ELOA: variants seen among roughly 807,000 people sequenced by gnomAD.
The protein encoded by ELOA is elongin A, also known as elongin-A.
ELOA carries 15 observed loss-of-function variants against 85.2 expected under a neutral mutation model. The observed-to-expected ratio is 0.18, with a 90% CI of 0.12 to 0.27. The LOEUF is 0.27. Ranked by LOEUF, ELOA falls within the 10% of genes least tolerant of loss-of-function variation. The pLI, the probability that ELOA is intolerant of heterozygous loss-of-function variation, is 1.00. For synonymous variants in ELOA, 348 were observed against 357.2 expected (o/e 0.97, Z 0.29); for missense variants, 769 against 952.7 (o/e 0.81, Z 2.54).
In ELOA at chr1:23,748,474, T is replaced by C. The variant is rs1644755758; in HGVS notation, c.76-547T>C. Among the ~76,000 whole-genome samples the C allele has an allele frequency of 2.0e-5, 3 of 152,200 alleles. No individual in the cohort carries two copies. In the South Asian group the frequency reaches 6.2e-4, roughly 31 times the overall value. Reference sequence around the variant, plus strand: ...TACCCAGGCATTTTGTGTCCACCGTTAACATCCAAGCTCTGATTCTGGCAA... The same window carrying C: ...TACCCAGGCATTTTGTGTCCACCGTCAACATCCAAGCTCTGATTCTGGCAA... On this transcript the variant is annotated intron_variant, in intron 1 of 10. Coordinates refer to ENST00000613537, the MANE Select transcript of ELOA (RefSeq NM_003198.3).
At chr1:23,755,435 A>G (rs1644789891) in intron 7 of ELOA, among the ~76,000 whole-genome samples, 1 of 152,126 alleles carries the variant, frequency 6.6e-6, no homozygotes, top group African/African-American at 2.4e-5. Context: ...TACTAAGATG[A>G]AGACCAAAAA....
intron 2 of ELOA, among the ~76,000 whole-genome samples, 157 bp from the exon 3 acceptor site, chr1:23,749,685 G>A (rs556299089): frequency 5.9e-5 from 9 of 152,276 alleles, no homozygotes; most frequent in Non-Finnish European, 1.2e-4. Context: ...AGAGATTTGG[G>A]GCATAGACAC....
rs758250987 is a variant in ELOA at position 23,756,934 on chromosome 1, G to C, written c.2085-19G>C. On this transcript the variant is annotated intron_variant, in intron 9 of 10. Coordinates refer to ENST00000613537, the MANE Select transcript of ELOA (RefSeq NM_003198.3). ...GATTTCTTGTGCTCATGCCTAACCA[G>C]TGTTGTCCTGTGTTGCAGGATCAAG... is the stretch of plus-strand genomic sequence containing the variant. 1.4e-5 allele frequency: 21 copies of C among 1,478,920 alleles called. No homozygotes were observed. Among genetic ancestry groups the C allele is most frequent in the Admixed American group, 7.8e-5 (3 of 38,632 alleles). The allele number at this position is 1,478,920 out of a possible 1,614,324, so 91.6% of individuals were successfully genotyped here.
intron 10 of ELOA, among the ~76,000 whole-genome samples, chr1:23,757,811 G>GAAAAA (rs575030502): frequency 9.2e-6 from 1 of 108,450 alleles, no homozygotes; most frequent in Non-Finnish European, 2.0e-5. Context: ...CCTGTCTCTG[G>GAAAAA]AAAAAAAAAA....
intron 3 of ELOA, among the ~76,000 whole-genome samples, 198 bp downstream of exon 3, chr1:23,750,146 C>T (rs1263346718): frequency 1.4e-5 from 2 of 145,744 alleles, no homozygotes; most frequent in African/African-American, 5.0e-5. Flanking sequence ...CAAAGACAAA[C>T]GTTATGAACA....
At position 23,757,734 on chromosome 1, in the gene ELOA, C is replaced by T. The variant is rs192716796; in HGVS notation, c.2257+609C>T. Among the ~76,000 whole-genome samples the T allele has an allele frequency of 2.2e-3, 330 of 151,768 alleles. 4 individuals are homozygous for T. In the East Asian group the frequency reaches 0.043, roughly 20 times the overall value. The stretch of plus-strand genomic sequence containing the variant: ...CAGGATGGTCTCGATCTCCTGACCT[C>T]GCGATCTGCCCGCCTTGGCCTCCCA... On this transcript the variant is annotated intron_variant, in intron 10 of 10. Transcript: ENST00000613537.
chr1:23,743,664 G>C, intron 1 of ELOA, 86 bp downstream of exon 1: 1 of 1,357,118 alleles, frequency 7.4e-7, no homozygotes, highest in Non-Finnish European at 9.5e-7. Flanking sequence ...GGCGGGGTTC[G>C]GGGGCTGGGA....
chr1:23,754,579 G>C (rs1644786492), intron 7 of ELOA, 119 bp downstream of exon 7: 3 of 803,216 alleles, frequency 3.7e-6, no homozygotes, highest in Non-Finnish European at 6.0e-6. Context: ...GCATTGTTCT[G>C]GATATATTTG....
Position 23,749,941 on chromosome 1 carries a change from G to T in ELOA, c.232G>T (p.Val78Leu), listed in dbSNP as rs1487914541. ...GGCCCAGTGGAAGAAGCTGGTTCCT[G>T]TGGAACGGTAAGAACATTTCTCTTT... The part of the protein sequence containing the change: ...LVAQWKKLVP[V>L]ERNAEPDEQD... The change falls in exon 3 of 11, where the codon GTG becomes TTG. Residue 78 changes from valine (V) to leucine (L), a missense_variant. Physicochemically the swap from Val to Leu is conservative, Grantham distance 32. Around this residue, in one of 4 missense-constraint regions of ELOA, gnomAD observed 440 missense variants for 474.0 expected, o/e 0.93. Transcript: ENST00000613537. The T allele has an allele frequency of 6.2e-7, 1 of 1,613,408 alleles. No homozygotes were observed. The highest frequency in any genetic ancestry group is 8.5e-7 in the Non-Finnish European group (1 of 1,179,510).
intron 10 of ELOA, among the ~76,000 whole-genome samples, chr1:23,757,592 A>G: frequency 6.6e-6 from 1 of 152,112 alleles, no homozygotes; most frequent in East Asian, 1.9e-4. Flanking sequence ...TCTGCCTTCC[A>G]GGTTCATGCC....
At chr1:23,752,146 C>G in intron 4 of ELOA, 116 bp downstream of exon 4, 1 of 1,069,780 alleles carries the variant, frequency 9.3e-7, no homozygotes, top group Non-Finnish European at 1.3e-6. Flanking sequence ...TGTTGAATTT[C>G]AGTGTGCAGT....
In ELOA at chr1:23,752,453, T is replaced by C; in HGVS notation, c.1472T>C (p.Ile491Thr). ...TTGCCAGACCTCCCGTTACCCGCGA[T>C]ACAGGCCAATTACCGTCCACTGCCT... Reference protein sequence around the residue: ...PVLPDLPLPAIQANYRPLPSL... With the variant: ...PVLPDLPLPATQANYRPLPSL... The change falls in exon 5 of 11, where the codon ATA (isoleucine) becomes ACA (threonine). Residue 491 changes from isoleucine to threonine, a missense_variant. Physicochemically the swap from Ile to Thr is moderately conservative, Grantham distance 89. This residue lies in a region of ELOA where 193 missense variants were observed against 278.9 expected (regional missense o/e 0.69). Transcript: ENST00000613537. The C allele has an allele frequency of 6.2e-7, 1 of 1,614,168 alleles. No homozygotes were observed. The highest frequency in any genetic ancestry group is 1.1e-5 in the South Asian group (1 of 91,078).
At chr1:23,758,151 AT>A (rs890292010) in intron 10 of ELOA, among the ~76,000 whole-genome samples, 38 of 151,350 alleles carry the variant, frequency 2.5e-4, no homozygotes, top group Admixed American at 2.0e-3. Flanking sequence ...AATTACTAAT[AT>A]TAACAGCTAA....
At chr1:23,754,003 G>A in intron 5 of ELOA, 97 bp from the exon 6 acceptor site, 1 of 1,442,384 alleles carries the variant, frequency 6.9e-7, no homozygotes, top group Non-Finnish European at 9.4e-7. Flanking sequence ...CTGTAGCGTG[G>A]ATTGCCATTG....
chr1:23,751,366 C>G lies in ELOA; in HGVS notation c.761C>G (p.Pro254Arg). 1 of 1,614,174 alleles carries G rather than the reference C, an allele frequency of 6.2e-7. No individual in the cohort carries two copies. Reference protein sequence around the residue: ...EHKSSHKDKRPVDAKSDEKAS... With the variant: ...EHKSSHKDKRRVDAKSDEKAS... ...AAATCTTCCCACAAGGACAAACGCC[C>G]CGTGGATGCCAAGAGTGATGAGAAG... The change falls in exon 4 of 11, where the codon CCC (proline) becomes CGC (arginine). Residue 254 changes from proline (P) to arginine (R), a missense_variant. By Grantham distance (103) the Pro-to-Arg change is moderately radical (BLOSUM62 -2). Coordinates refer to ENST00000613537, the MANE Select transcript of ELOA (RefSeq NM_003198.3).
At chr1:23,752,290 CT>C in intron 4 of ELOA, 116 bp from the exon 5 acceptor site, 1 of 1,038,238 alleles carries the variant, frequency 9.6e-7, no homozygotes, top group Non-Finnish European at 1.4e-6. Context: ...CTGTGGCCCC[CT>C]CCAACCTGGA....
In ELOA at chr1:23,758,250, TATTTATTTA is replaced by T. The variant is rs796806610; in HGVS notation, c.2257+1126_2257+1134del. 8.9e-3 allele frequency among the ~76,000 whole-genome samples: 511 copies of T among 57,312 alleles called. 16 individuals are homozygous for T. The highest frequency in any genetic ancestry group is 0.035 in the African/African-American group (474 of 13,538). The allele number at this position is 57,312 out of a possible 152,430, so 37.6% of individuals were successfully genotyped here. ...TTATATCTAATTGGGTCTTCCAATT[TATTTATTTA>T]TTTTTTTTTTTTTTTTTTTTTTTTT... On this transcript the variant is annotated intron_variant, in intron 10 of 10. Coordinates refer to ENST00000613537, the MANE Select transcript of ELOA (RefSeq NM_003198.3).
chr1:23,755,800 GA>G, intron 7 of ELOA, 42 bp from the exon 8 acceptor site: 1 of 1,498,772 alleles, frequency 6.7e-7, no homozygotes, highest in Non-Finnish European at 9.0e-7. Flanking sequence ...AAAAAATATG[GA>G]AAAGTGCTTG....
intron 4 of ELOA, 43 bp from the exon 5 acceptor site, chr1:23,752,364 C>T: frequency 4.5e-6 from 7 of 1,557,872 alleles, no homozygotes; most frequent in Non-Finnish European, 6.2e-6. Context: ...GAGAGCTGTG[C>T]TTCTACTCAC....
Sources: allele counts gnomAD v4.1 joint callset (sites outside exome capture counted in the v4.1 genomes callset), GRCh38; gene constraint gnomAD v4.1.1; regional missense constraint gnomAD v4.1.1; transcripts MANE v1.5; gene names NCBI Gene and HGNC (gene_info 2026-07-23, HGNC 2026-07-21).